Variants in VWC2L observed in about 807,000 individuals in gnomAD.
VWC2L encodes von Willebrand factor C domain containing 2 like.
Under a neutral mutation model 21.6 loss-of-function variants are expected in VWC2L, and 10 were observed. That is an observed-to-expected ratio of 0.46 (90% CI 0.29 to 0.78). The LOEUF (loss-of-function observed/expected upper bound fraction) is 0.78, where lower values mean the gene tolerates loss of function less well. Among genes scored for constraint, VWC2L ranks in the 30% least tolerant of loss-of-function variants. The probability of loss-of-function intolerance (pLI) is 0.10; values close to 1 mark genes in which losing one functional copy is unlikely to be tolerated. For synonymous variants in VWC2L, 96 were observed against 94.3 expected (o/e 1.02, Z -0.10); for missense variants, 209 against 277.1 (o/e 0.75, Z 1.74).
intron 3 of VWC2L, among the ~76,000 whole-genome samples, chr2:214,547,125 C>T (rs1689720954): frequency 6.6e-6 from 1 of 152,028 alleles, no homozygotes; most frequent in South Asian, 2.1e-4. Flanking sequence ...TCTGAAGGCC[C>T]CCTTGAATGC....
intron 3 of VWC2L, among the ~76,000 whole-genome samples, chr2:214,449,884 A>G (rs891408588): frequency 6.6e-6 from 1 of 152,120 alleles, no homozygotes; most frequent in African/African-American, 2.4e-5. Flanking sequence ...CCTTTTACCC[A>G]TTACTTTCAT....
chr2:214,507,989 TTTA>T (rs1688990982), intron 3 of VWC2L, among the ~76,000 whole-genome samples: 1 of 152,200 alleles, frequency 6.6e-6, no homozygotes, highest in African/African-American at 2.4e-5. Flanking sequence ...TATTTATTTA[TTTA>T]TTGAGACAGA....
At chr2:214,456,470 G>T (rs554819478) in intron 3 of VWC2L, among the ~76,000 whole-genome samples, 2 of 151,928 alleles carry the variant, frequency 1.3e-5, no homozygotes, top group African/African-American at 4.8e-5. Context: ...CGGACATTAC[G>T]CCTTTGTCAG....
intron 2 of VWC2L, among the ~76,000 whole-genome samples, chr2:214,429,490 C>T (rs1483048508): frequency 6.6e-6 from 1 of 152,102 alleles, no homozygotes; most frequent in Non-Finnish European, 1.5e-5. Context: ...GCTAAATTAT[C>T]TTTTTCCTCT....
chr2:214,540,341 T>C (rs1340533134), intron 3 of VWC2L, among the ~76,000 whole-genome samples: 4 of 152,276 alleles, frequency 2.6e-5, no homozygotes, highest in African/African-American at 4.8e-5. Flanking sequence ...TTGAGGACAC[T>C]GAAGCTCAGA....
chr2:214,416,480 A>G (rs950124250), intron 2 of VWC2L, among the ~76,000 whole-genome samples: 5 of 152,158 alleles, frequency 3.3e-5, no homozygotes, highest in African/African-American at 1.2e-4. Context: ...AATAGATATC[A>G]CTTTTTTTAA....
intron 2 of VWC2L, among the ~76,000 whole-genome samples, chr2:214,418,458 A>T (rs1266281869): frequency 6.6e-6 from 1 of 152,154 alleles, no homozygotes; most frequent in Non-Finnish European, 1.5e-5. Context: ...ACTTCTAGTG[A>T]TCTACCCCAC....
At chr2:214,547,786 G>A (rs1689733194) in intron 3 of VWC2L, among the ~76,000 whole-genome samples, 1 of 152,164 alleles carries the variant, frequency 6.6e-6, no homozygotes, top group Admixed American at 6.5e-5. Context: ...GGTTTTGGTG[G>A]AAAACAAACA....
At chr2:214,561,967 C>A (rs915621391) in intron 3 of VWC2L, among the ~76,000 whole-genome samples, 3 of 151,614 alleles carry the variant, frequency 2.0e-5, no homozygotes, top group Non-Finnish European at 4.4e-5. Flanking sequence ...CACACTAAGT[C>A]TTTGAAATCT....
chr2:214,460,570 T>C (rs887487103), intron 3 of VWC2L, among the ~76,000 whole-genome samples: 4 of 152,136 alleles, frequency 2.6e-5, no homozygotes, highest in African/African-American at 9.7e-5. Context: ...GTTGAAGCTA[T>C]TGATGGTATT....
intron 3 of VWC2L, among the ~76,000 whole-genome samples, chr2:214,545,828 T>C (rs1352934229): frequency 6.6e-6 from 1 of 152,194 alleles, no homozygotes; most frequent in Admixed American, 6.5e-5. Context: ...GTCCTCACTA[T>C]ACATATACAA....
chr2:214,436,410 C>A (rs1559290347), intron 2 of VWC2L: 5 of 493,492 alleles, frequency 1.0e-5, no homozygotes, highest in East Asian at 6.4e-5. Flanking sequence ...TACACGGGTG[C>A]TTTTCTTGTT....
intron 3 of VWC2L, among the ~76,000 whole-genome samples, chr2:214,524,048 A>G: frequency 6.6e-6 from 1 of 152,212 alleles, no homozygotes; most frequent in East Asian, 1.9e-4. Flanking sequence ...ATCTTAAATC[A>G]TTATTACAAG....
chr2:214,413,963 C>A (rs1367208576), intron 1 of VWC2L, among the ~76,000 whole-genome samples, 151 bp from the exon 2 acceptor site: 1 of 152,144 alleles, frequency 6.6e-6, no homozygotes, highest in Non-Finnish European at 1.5e-5. Flanking sequence ...CTCCAAACCT[C>A]ACAATAAGGC....
chr2:214,501,736 A>AG (rs1270749098), intron 3 of VWC2L, among the ~76,000 whole-genome samples: 111 of 151,760 alleles, frequency 7.3e-4, no homozygotes, highest in African/African-American at 2.5e-3. Context: ...AAAAAAAAAA[A>AG]AAAAAAAAGA....
intron 3 of VWC2L, among the ~76,000 whole-genome samples, chr2:214,482,270 A>G (rs1688613629): frequency 6.6e-6 from 1 of 152,124 alleles, no homozygotes; most frequent in African/African-American, 2.4e-5. Flanking sequence ...CAGAAAAAAG[A>G]TTTTTAATAA....
chr2:214,534,141 G>A (rs1689486974), intron 3 of VWC2L: 1 of 152,476 alleles, frequency 6.6e-6, no homozygotes, highest in African/African-American at 2.4e-5. Flanking sequence ...TCTCTGAGAT[G>A]TGTGGTAAGT....
chr2:214,494,566 C>T (rs1688786561), intron 3 of VWC2L, among the ~76,000 whole-genome samples: 1 of 152,118 alleles, frequency 6.6e-6, no homozygotes, highest in Non-Finnish European at 1.5e-5. Flanking sequence ...CAGTGTCCTC[C>T]ATTTTGAAGG....
chr2:214,486,639 T>A (rs1188819228), intron 3 of VWC2L, among the ~76,000 whole-genome samples: 1 of 152,176 alleles, frequency 6.6e-6, no homozygotes, highest in Non-Finnish European at 1.5e-5. Flanking sequence ...GATCTCTATA[T>A]ATCTAAGAAT....
Sources: gnomAD v4.1 joint callset for allele counts (sites outside exome capture counted in the v4.1 genomes callset) on GRCh38, gnomAD v4.1.1 for gene constraint, MANE v1.5 for transcripts, NCBI Gene and HGNC (gene_info 2026-07-23, HGNC 2026-07-21) for gene names.